RELN: variants seen among roughly 807,000 people sequenced by gnomAD.
RELN encodes reelin.
In RELN, 108 loss-of-function variants were observed where a neutral mutation model predicts 427.6. That is an observed-to-expected ratio of 0.25 (90% CI 0.22 to 0.30). The LOEUF (loss-of-function observed/expected upper bound fraction) is 0.30. RELN is among the 10% of genes least tolerant of loss of function. The probability of loss-of-function intolerance (pLI) is 1.00; values close to 1 mark genes in which losing one functional copy is unlikely to be tolerated. For missense variants in RELN, 3,715 were observed against 4,302.8 expected (o/e 0.86, Z 3.82); for synonymous variants, 1,524 against 1,513.4 (o/e 1.01, Z -0.16).
intron 20 of RELN, among the ~76,000 whole-genome samples, chr7:103,627,369 A>G (rs1039965617): frequency 6.6e-6 from 1 of 152,130 alleles, no homozygotes; most frequent in Non-Finnish European, 1.5e-5. Flanking sequence ...TAATATTGTA[A>G]CAAGTATTTC....
At chr7:103,972,715 T>TTC (rs1796788794) in intron 1 of RELN, among the ~76,000 whole-genome samples, 1 of 152,174 alleles carries the variant, frequency 6.6e-6, no homozygotes, top group Admixed American at 6.5e-5. Context: ...GGCAGAGGCT[T>TTC]ACAAGAAAGG....
chr7:103,831,231 G>T (rs967723684), intron 3 of RELN, among the ~76,000 whole-genome samples: 1 of 152,068 alleles, frequency 6.6e-6, no homozygotes, highest in African/African-American at 2.4e-5. Flanking sequence ...TGTATGGCAA[G>T]AATTCGATTC....
At chr7:103,726,677 C>A (rs1265507647) in intron 7 of RELN, among the ~76,000 whole-genome samples, 1 of 151,978 alleles carries the variant, frequency 6.6e-6, no homozygotes, top group African/African-American at 2.4e-5. Flanking sequence ...AATAACTTGT[C>A]AAGAATTTCC....
At chr7:103,577,597 G>A (rs532773032) in intron 28 of RELN, among the ~76,000 whole-genome samples, 3 of 150,134 alleles carry the variant, frequency 2.0e-5, no homozygotes, top group East Asian at 3.9e-4. Context: ...TTAGTGTCAC[G>A]GACCTTGGGA....
chr7:103,791,187 T>C (rs1792153620), intron 3 of RELN, among the ~76,000 whole-genome samples: 1 of 152,154 alleles, frequency 6.6e-6, no homozygotes, highest in Non-Finnish European at 1.5e-5. Context: ...ACTACCTAAA[T>C]GGATCTACAG....
rs762528911 is a variant in RELN, at chr7:103,572,547, T to A, written c.4512-287A>T. On this transcript the variant is annotated intron_variant, in intron 30 of 64. Transcript: ENST00000428762. ...TGTGACAGTCTGTTATAATTTATTT[T>A]TTTTTTTGAGACGGAGTCTTGCTCT... Among the ~76,000 whole-genome samples, 7 of 152,120 alleles carry A rather than the reference T, an allele frequency of 4.6e-5. No individual in the cohort carries two copies. The South Asian group carries it at 8.3e-4, about 18-fold the overall frequency.
chr7:103,612,934 T>C (rs747498799), intron 20 of RELN, among the ~76,000 whole-genome samples: 1 of 152,194 alleles, frequency 6.6e-6, no homozygotes, highest in Admixed American at 6.5e-5. Context: ...CCAGGGTCAA[T>C]CACACTAAAG....
In RELN at chr7:103,589,840, A is replaced by G. The variant is rs767007636; in HGVS notation, c.3913-12T>C. The G allele has an allele frequency of 6.5e-7, 1 of 1,535,870 alleles. No homozygotes were observed. The highest frequency in any genetic ancestry group is 9.0e-7 in the Non-Finnish European group (1 of 1,108,836). On this transcript the variant is annotated splice_polypyrimidine_tract_variant and intron_variant, in intron 27 of 64. Coordinates refer to ENST00000428762, the MANE Select transcript of RELN (RefSeq NM_005045.4). ...CAACCTATGTTTAGCTGTTAAAAGG[A>G]AGGACAAGAATTATACAAGATTTTG...
At chr7:103,543,584 G>A (rs1181985782) in intron 42 of RELN, among the ~76,000 whole-genome samples, 1 of 152,080 alleles carries the variant, frequency 6.6e-6, no homozygotes, top group Non-Finnish European at 1.5e-5. Flanking sequence ...AGGCGGAGGT[G>A]GCAGTTAGCC....
chr7:103,474,165 T>C (rs1827949961), intron 64 of RELN, among the ~76,000 whole-genome samples: 1 of 152,154 alleles, frequency 6.6e-6, no homozygotes. Context: ...AACAAGATAA[T>C]TTCACAGTTT....
chr7:103,505,623 C>G (rs1829183219), intron 51 of RELN, among the ~76,000 whole-genome samples: 1 of 152,140 alleles, frequency 6.6e-6, no homozygotes, highest in Admixed American at 6.5e-5. Flanking sequence ...GAAACCAGCG[C>G]AAAAAGGCTG....
intron 40 of RELN, among the ~76,000 whole-genome samples, chr7:103,551,538 C>G (rs1439285400): frequency 6.6e-6 from 1 of 152,086 alleles, no homozygotes; most frequent in Non-Finnish European, 1.5e-5. Context: ...TTATAAAAAG[C>G]AGGAAGTGGG....
intron 1 of RELN, among the ~76,000 whole-genome samples, chr7:103,942,670 T>C (rs1421954395): frequency 1.3e-5 from 2 of 152,152 alleles, no homozygotes; most frequent in Non-Finnish European, 2.9e-5. Flanking sequence ...TCCCAGGACT[T>C]TGGGAGGCCA....
In RELN at chr7:103,575,854, C is replaced by T. The variant is rs955589049; in HGVS notation, c.4146-149G>A. On this transcript the variant is annotated intron_variant, in intron 28 of 64. Coordinates refer to ENST00000428762, the MANE Select transcript of RELN (RefSeq NM_005045.4). ...ACTGCACTTAACCTTCATAAGCTGT[C>T]TCTCAGACCTTTCTCTCTCTCTCTC... 3 of 865,830 alleles carry T rather than the reference C, an allele frequency of 3.5e-6. No homozygotes were observed. In the African/African-American group the frequency reaches 5.0e-5, roughly 14 times the overall value. The allele number at this position is 865,830 out of a possible 1,614,324, so 53.6% of individuals were successfully genotyped here. A position where few individuals can be genotyped will look rare whatever the true frequency, so the allele number is the denominator to read the frequency against.
intron 1 of RELN, among the ~76,000 whole-genome samples, chr7:103,967,143 T>C (rs2116807013): frequency 6.6e-6 from 1 of 152,246 alleles, no homozygotes; most frequent in South Asian, 2.1e-4. Flanking sequence ...TTATGCTACA[T>C]ACAAGAAAAC....
intron 4 of RELN, among the ~76,000 whole-genome samples, chr7:103,762,660 A>G (rs1005388905): frequency 1.3e-5 from 2 of 152,338 alleles, no homozygotes; most frequent in Admixed American, 6.5e-5. Flanking sequence ...CAGCAAGCCA[A>G]TATTACTAAA....
Position 103,551,145 on chromosome 7 carries a change from G to C in RELN, c.6224C>G (p.Pro2075Arg), listed in dbSNP as rs1398697247. ...VSSLCSTEHH[P>R]SSTYYAGTMQ... ...GGTTCCTGCGTAGTAGGTGCTGCTG[G>C]GGTGGTGCTCGGTGGAGCATAAAGA... Residue 2075 changes from proline to arginine, a missense_variant, in exon 41 of 65, where the codon CCC becomes CGC. Coordinates refer to ENST00000428762, the MANE Select transcript of RELN (RefSeq NM_005045.4). 3 of 1,614,084 alleles carry C rather than the reference G, an allele frequency of 1.9e-6. 1 individual carries two copies. The South Asian group carries it at 3.3e-5, about 18-fold the overall frequency.
intron 20 of RELN, among the ~76,000 whole-genome samples, chr7:103,628,914 C>G (rs1445856382): frequency 6.6e-6 from 1 of 152,164 alleles, no homozygotes; most frequent in Non-Finnish European, 1.5e-5. Flanking sequence ...CCTAAAAGAT[C>G]TGGCCTCTGC....
intron 2 of RELN, among the ~76,000 whole-genome samples, chr7:103,859,045 A>C (rs1794012029): frequency 6.6e-6 from 1 of 152,228 alleles, no homozygotes; most frequent in Non-Finnish European, 1.5e-5. Context: ...AGAATGTAGC[A>C]AATACTTGCT....
Sources: gnomAD v4.1 joint callset for allele counts (sites outside exome capture counted in the v4.1 genomes callset) on GRCh38, gnomAD v4.1.1 for gene constraint, MANE v1.5 for transcripts, NCBI Gene and HGNC (gene_info 2026-07-23, HGNC 2026-07-21) for gene names.